Variants in INSC observed in about 807,000 individuals in gnomAD.
INSC encodes protein inscuteable homolog.
INSC carries 67 observed loss-of-function variants against 58.6 expected under a neutral mutation model. The observed-to-expected ratio is 1.14, with a 90% CI of 0.94 to 1.40. The LOEUF is 1.40. Ranked by LOEUF, INSC falls within the 40% of genes most tolerant of loss-of-function variation. The pLI, the probability that INSC is intolerant of heterozygous loss-of-function variation, is 0.00. For synonymous variants in INSC, 262 were observed against 276.1 expected (o/e 0.95, Z 0.51); for missense variants, 714 against 692.0 (o/e 1.03, Z -0.36).
chr11:15,176,921 C>G (rs1220969894), intron 3 of INSC, among the ~76,000 whole-genome samples, 190 bp from the exon 4 acceptor site: 2 of 152,172 alleles, frequency 1.3e-5, no homozygotes, highest in East Asian at 3.9e-4. Flanking sequence ...GTTTCATTTT[C>G]TTATACTCCC....
At position 15,246,138 on chromosome 11, in the gene INSC, T is replaced by A. The variant is rs1464902471; in HGVS notation, c.*98T>A. On this transcript the variant is annotated 3_prime_UTR_variant, in exon 13 of 13. Coordinates refer to ENST00000379556, the MANE Select transcript of INSC (RefSeq NM_001042536.3). The stretch of plus-strand genomic sequence containing the variant: ...GTACATACCAGCTCTCCTCATCTTC[T>A]TATTTATACTTAACTTATTTTTGTG... 1.6e-6 allele frequency: 2 copies of A among 1,269,964 alleles called. No individual in the cohort carries two copies. Among genetic ancestry groups the A allele is most frequent in the Non-Finnish European group, 2.2e-6 (2 of 923,830 alleles). 78.7% of individuals were successfully genotyped at this position (1,269,964 alleles called of 1,614,324 possible).
intron 2 of INSC, among the ~76,000 whole-genome samples, chr11:15,163,926 T>G (rs1475816714): frequency 3.9e-5 from 6 of 152,308 alleles, no homozygotes; most frequent in East Asian, 1.9e-4. Flanking sequence ...TTTCAAAGTT[T>G]TCTTAATTTT....
At chr11:15,257,244 AT>A in the INSC span, among the ~76,000 whole-genome samples, 1 of 152,184 alleles carries the variant, frequency 6.6e-6, no homozygotes, top group African/African-American at 2.4e-5. Flanking sequence ...ATTGGAAGAC[AT>A]TTTGAACCTT....
At chr11:15,221,729 C>A in intron 8 of INSC, 81 bp downstream of exon 8, 2 of 1,312,296 alleles carry the variant, frequency 1.5e-6, no homozygotes, top group African/African-American at 1.5e-5. Flanking sequence ...GAAGGCCTTC[C>A]CATCTGCCAC....
chr11:15,222,686 C>T (rs1327781931), intron 8 of INSC, among the ~76,000 whole-genome samples: 1 of 152,190 alleles, frequency 6.6e-6, no homozygotes, highest in East Asian at 1.9e-4. Flanking sequence ...GTCCTTCTAA[C>T]TCTAGAATTT....
intron 6 of INSC, among the ~76,000 whole-genome samples, chr11:15,198,591 T>C (rs755800725): frequency 1.1e-4 from 17 of 152,306 alleles, no homozygotes; most frequent in Non-Finnish European, 2.5e-4. Flanking sequence ...CTCTCTCATC[T>C]ATCTACATAT....
chr11:15,162,071 G>T (rs144626981), intron 2 of INSC, among the ~76,000 whole-genome samples: 1 of 152,322 alleles, frequency 6.6e-6, no homozygotes, highest in East Asian at 1.9e-4. Flanking sequence ...CTCACTGAGA[G>T]AGTCTTCCTG....
chr11:15,221,385 AGT>A, intron 7 of INSC, 90 bp from the exon 8 acceptor site: 1 of 1,427,516 alleles, frequency 7.0e-7, no homozygotes, highest in East Asian at 2.4e-5. Context: ...GCTTCCATGT[AGT>A]GGGGGCTGAA....
chr11:15,125,763 A>G (rs1016986029), intron 1 of INSC, among the ~76,000 whole-genome samples: 1 of 152,078 alleles, frequency 6.6e-6, no homozygotes, highest in African/African-American at 2.4e-5. Flanking sequence ...TGGCCCTCTC[A>G]GGGAGAAAAG....
At chr11:15,162,040 A>G (rs1849037461) in intron 2 of INSC, among the ~76,000 whole-genome samples, 1 of 152,148 alleles carries the variant, frequency 6.6e-6, no homozygotes, top group South Asian at 2.1e-4. Context: ...AAAGTCATCT[A>G]TGTGTTGTTT....
upstream of INSC, among the ~76,000 whole-genome samples, chr11:15,111,476 G>C (rs1847576672): frequency 6.6e-6 from 1 of 152,194 alleles, no homozygotes; most frequent in Admixed American, 6.5e-5. Flanking sequence ...ATCTGGACAG[G>C]AGAAGAATGT....
intron 9 of INSC, among the ~76,000 whole-genome samples, chr11:15,230,468 T>C (rs1376240399): frequency 6.6e-6 from 1 of 152,000 alleles, no homozygotes; most frequent in African/African-American, 2.4e-5. Flanking sequence ...ATGAAGATGG[T>C]GCTAAATCAT....
At chr11:15,137,021 T>G (rs1848260253) in intron 1 of INSC, among the ~76,000 whole-genome samples, 1 of 152,334 alleles carries the variant, frequency 6.6e-6, no homozygotes, top group South Asian at 2.1e-4. Context: ...ACTCCTTGAT[T>G]CATGGGCTGC....
At chr11:15,200,993 G>T in intron 7 of INSC, 44 bp downstream of exon 7, 1 of 1,559,518 alleles carries the variant, frequency 6.4e-7, no homozygotes, top group Non-Finnish European at 8.7e-7. Context: ...CTCAAGCCAG[G>T]TAGGGGTGAG....
intron 1 of INSC, among the ~76,000 whole-genome samples, chr11:15,116,521 C>G (rs1847699423): frequency 6.6e-6 from 1 of 152,170 alleles, no homozygotes; most frequent in African/African-American, 2.4e-5. Flanking sequence ...ACTGGGCACA[C>G]ACTATACAGC....
chr11:15,154,765 A>T (rs1364639632), intron 2 of INSC, among the ~76,000 whole-genome samples: 1 of 151,896 alleles, frequency 6.6e-6, no homozygotes, highest in Non-Finnish European at 1.5e-5. Context: ...CAGCTTTAAC[A>T]TTCTAAGTCT....
At chr11:15,141,833 G>A (rs1404164989) in intron 1 of INSC, among the ~76,000 whole-genome samples, 1 of 151,954 alleles carries the variant, frequency 6.6e-6, no homozygotes, top group Non-Finnish European at 1.5e-5. Flanking sequence ...CCACCCCTAG[G>A]GCTTTAGTGC....
intron 7 of INSC, among the ~76,000 whole-genome samples, chr11:15,215,690 T>A (rs943870764): frequency 2.0e-5 from 3 of 152,164 alleles, no homozygotes; most frequent in Non-Finnish European, 4.4e-5. Context: ...AAATTTGGTA[T>A]AAGAACTGCC....
intron 5 of INSC, among the ~76,000 whole-genome samples, chr11:15,181,635 T>C (rs1466483364): frequency 6.6e-6 from 1 of 152,210 alleles, no homozygotes; most frequent in Non-Finnish European, 1.5e-5. Flanking sequence ...AACCCAAGAA[T>C]CTGGGACTTT....
Sources: allele counts gnomAD v4.1 joint callset (sites outside exome capture counted in the v4.1 genomes callset), GRCh38; gene constraint gnomAD v4.1.1; transcripts MANE v1.5; gene names NCBI Gene and HGNC (gene_info 2026-07-23, HGNC 2026-07-21).